Variants in DAB1 observed in about 807,000 individuals in gnomAD.
DAB1 encodes the protein DAB adaptor protein 1, also known as disabled homolog 1.
DAB1 carries 15 observed loss-of-function variants against 64.6 expected under a neutral mutation model. The observed-to-expected ratio is 0.23, with a 90% CI of 0.16 to 0.36. DAB1 has a LOEUF of 0.36. Ranked by LOEUF, DAB1 falls within the 10% of genes least tolerant of loss-of-function variation. The pLI is 1.00. For synonymous variants in DAB1, 235 were observed against 251.9 expected, an observed-to-expected ratio of 0.93 and a Z score of 0.64; for missense variants, 596 against 706.7, an observed-to-expected ratio of 0.84 and a Z score of 1.78.
At chr1:57,789,557 G>T (rs1335273000) in intron 6 of DAB1, among the ~76,000 whole-genome samples, 2 of 152,116 alleles carry the variant, frequency 1.3e-5, no homozygotes, top group African/African-American at 4.8e-5. Flanking sequence ...TCCTCACATG[G>T]CAGGGAGCAG....
chr1:57,090,892 G>C (rs1653598608), intron 4 of DAB1, among the ~76,000 whole-genome samples: 1 of 152,168 alleles, frequency 6.6e-6, no homozygotes, highest in Non-Finnish European at 1.5e-5. Context: ...AGCAGCATTA[G>C]AGTCTCATAG....
intron 1 of DAB1, among the ~76,000 whole-genome samples, chr1:57,388,477 C>T (rs1195970480): frequency 6.6e-6 from 1 of 152,062 alleles, no homozygotes; most frequent in Non-Finnish European, 1.5e-5. Context: ...TTAAAATCTT[C>T]GAGGCTCCTC....
chr1:57,596,737 G>C (rs1645514705), intron 7 of DAB1, among the ~76,000 whole-genome samples: 1 of 152,150 alleles, frequency 6.6e-6, no homozygotes, highest in African/African-American at 2.4e-5. Context: ...CTTCCTTTGT[G>C]GGCTCTTAAA....
chr1:57,095,568 G>A (rs746753408), intron 4 of DAB1, among the ~76,000 whole-genome samples: 1 of 152,126 alleles, frequency 6.6e-6, no homozygotes. Context: ...GACGATTAAC[G>A]GCATCATATA....
At chr1:58,427,158 G>C (rs1174258354) in intron 3 of DAB1, among the ~76,000 whole-genome samples, 1 of 152,036 alleles carries the variant, frequency 6.6e-6, no homozygotes, top group Non-Finnish European at 1.5e-5. Context: ...GCAGGGGTGT[G>C]GTTAGGGTTA....
At chr1:57,884,860 G>C (rs546193302), upstream of DAB1, among the ~76,000 whole-genome samples, 3 of 152,274 alleles carry the variant, frequency 2.0e-5, no homozygotes, top group African/African-American at 7.2e-5. Flanking sequence ...AGAGCTGGTT[G>C]TTAAAAGGAC....
intron 7 of DAB1, among the ~76,000 whole-genome samples, chr1:57,595,231 T>A (rs1645493410): frequency 1.3e-5 from 2 of 151,094 alleles, no homozygotes; most frequent in East Asian, 1.9e-4. Context: ...GATTCTAAAA[T>A]TTTTTTTAGA....
At chr1:57,944,920 C>T (rs1645161916) in intron 5 of DAB1, among the ~76,000 whole-genome samples, 1 of 152,138 alleles carries the variant, frequency 6.6e-6, no homozygotes. Context: ...TAAGCACACA[C>T]CTTCTTTTTC....
At chr1:57,957,123 G>A (rs947399985) in intron 5 of DAB1, among the ~76,000 whole-genome samples, 2 of 152,200 alleles carry the variant, frequency 1.3e-5, no homozygotes, top group Non-Finnish European at 1.5e-5. Flanking sequence ...ATTTTAATAG[G>A]CTTGTTCAGG....
chr1:57,779,575 C>T (rs1260522919), intron 6 of DAB1, among the ~76,000 whole-genome samples: 1 of 152,150 alleles, frequency 6.6e-6, no homozygotes, highest in African/African-American at 2.4e-5. Context: ...GCTATAATTT[C>T]AAAGGCCTGT....
chr1:58,448,929 G>A lies in DAB1; in HGVS notation n.257+57131C>T, dbSNP rs189430178. ...AAGGTGGTCCATCCACGTTTATAGA[G>A]TAGAGAAAGAAATAGAATCCAACAA... On this transcript the variant is annotated intron_variant and non_coding_transcript_variant, in intron 3 of 20. Coordinates refer to the DAB1 transcript ENST00000485760. Among the ~76,000 whole-genome samples the A allele has an allele frequency of 2.0e-5, 3 of 152,278 alleles. No individual in the cohort carries two copies. The East Asian group carries it at 5.8e-4, about 29-fold the overall frequency.
chr1:57,925,476 T>A (rs1240710673), intron 5 of DAB1, among the ~76,000 whole-genome samples: 2 of 152,196 alleles, frequency 1.3e-5, no homozygotes, highest in Admixed American at 1.3e-4. Context: ...TTATTCACTC[T>A]CTAAACATTT....
chr1:57,751,329 C>T (rs7540385), intron 6 of DAB1, among the ~76,000 whole-genome samples: 1 of 152,022 alleles, frequency 6.6e-6, no homozygotes, highest in Non-Finnish European at 1.5e-5. Flanking sequence ...AGGGCCACAA[C>T]CTGGAGGGGT....
chr1:58,028,835 T>G (rs1211805764), intron 5 of DAB1, among the ~76,000 whole-genome samples: 1 of 152,154 alleles, frequency 6.6e-6, no homozygotes, highest in East Asian at 1.9e-4. Context: ...CTGAAAGAAT[T>G]TATGTCATAC....
rs546178084 is a variant in DAB1 at position 57,252,860 on chromosome 1, T to C, written c.67+38104A>G. On this transcript the variant is annotated intron_variant, in intron 2 of 14. Coordinates refer to ENST00000371236, the MANE Select transcript of DAB1 (RefSeq NM_001365792.1). Reference sequence around the variant, plus strand: ...GGCAGATCAAGGGGCTTAAAAATCATGCTAACCTGAAAGATTACAAAGCAG... The same window carrying C: ...GGCAGATCAAGGGGCTTAAAAATCACGCTAACCTGAAAGATTACAAAGCAG... Among the ~76,000 whole-genome samples the C allele has an allele frequency of 3.9e-5, 6 of 152,290 alleles. No individual in the cohort carries two copies. The South Asian group carries it at 1.0e-3, about 26-fold the overall frequency.
At chr1:58,512,153 T>C (rs926853508) in intron 2 of DAB1, among the ~76,000 whole-genome samples, 4 of 152,078 alleles carry the variant, frequency 2.6e-5, no homozygotes, top group Non-Finnish European at 5.9e-5. Context: ...AGAAAAAATG[T>C]TCAATATCAC....
At chr1:58,485,493 T>TC (rs1645562059) in intron 3 of DAB1, among the ~76,000 whole-genome samples, 1 of 151,998 alleles carries the variant, frequency 6.6e-6, no homozygotes, top group Admixed American at 6.6e-5. Context: ...CTGTTTCTCC[T>TC]CCCCAAATAT....
intron 3 of DAB1, among the ~76,000 whole-genome samples, chr1:58,368,324 C>T (rs1212839420): frequency 5.9e-5 from 9 of 152,110 alleles, no homozygotes; most frequent in African/African-American, 2.2e-4. Context: ...GAAATTGCAG[C>T]GACCCCAGCC....
chr1:57,337,844 C>A (rs942264965), intron 1 of DAB1, among the ~76,000 whole-genome samples: 1 of 151,930 alleles, frequency 6.6e-6, no homozygotes, highest in African/African-American at 2.4e-5. Flanking sequence ...TCTCCCTTTC[C>A]TTTTCCCTTT....
Sources: gnomAD v4.1 joint callset for allele counts (sites outside exome capture counted in the v4.1 genomes callset) on GRCh38, gnomAD v4.1.1 for gene constraint, MANE v1.5 for transcripts, NCBI Gene and HGNC (gene_info 2026-07-23, HGNC 2026-07-21) for gene names.